Variants in VDAC2 observed in about 807,000 individuals in gnomAD.
VDAC2 encodes the protein voltage dependent anion channel 2.
A neutral mutation model predicts 36.6 loss-of-function variants in VDAC2; 6 were observed. The observed-to-expected ratio is 0.16, with a 90% CI of 0.09 to 0.32. The LOEUF (loss-of-function observed/expected upper bound fraction) is 0.32. Ranked by LOEUF, VDAC2 falls within the 10% of genes least tolerant of loss-of-function variation. VDAC2 has a pLI of 1.00. For synonymous variants in VDAC2, 109 were observed against 123.8 expected, an observed-to-expected ratio of 0.88 and a Z score of 0.79; for missense variants, 247 against 346.0, an observed-to-expected ratio of 0.71 and a Z score of 2.27.
rs202000441 is a variant in VDAC2, at chr10:75,222,413, T to C, written c.735+11T>C. The stretch of plus-strand genomic sequence containing the variant: ...ACTGCTTCCATTTCTGTGAGTACTT[T>C]TGTGGACTTAGAATGGGGGTTTTGG... On this transcript the variant is annotated intron_variant, in intron 8 of 9. Coordinates refer to ENST00000332211, the MANE Select transcript of VDAC2 (RefSeq NM_001391963.1). The C allele has an allele frequency of 1.6e-4, 261 of 1,613,798 alleles. 4 individuals carry two copies. In the Middle Eastern group the frequency reaches 1.7e-3, roughly 10 times the overall value.
chr10:75,210,466 C>T (rs192850504), upstream of VDAC2, among the ~76,000 whole-genome samples: 5 of 152,320 alleles, frequency 3.3e-5, no homozygotes, highest in East Asian at 9.7e-4. Flanking sequence ...CGCGCCCTAT[C>T]GCCCCGGCCA....
chr10:75,214,517 A>T (rs1291556952), intron 4 of VDAC2, among the ~76,000 whole-genome samples: 3 of 151,884 alleles, frequency 2.0e-5, no homozygotes, highest in Non-Finnish European at 4.4e-5. Flanking sequence ...GAGTTTAGGG[A>T]GTCCTGATCT....
At chr10:75,222,224 A>G in intron 7 of VDAC2, 28 bp from the exon 8 acceptor site, 1 of 1,600,960 alleles carries the variant, frequency 6.2e-7, no homozygotes, top group Non-Finnish European at 8.5e-7. Context: ...TGTCTATTCT[A>G]GATCTACTAA....
chr10:75,221,872 AAAG>A (rs1841823070), intron 7 of VDAC2, among the ~76,000 whole-genome samples: 1 of 152,254 alleles, frequency 6.6e-6, no homozygotes, highest in South Asian at 2.1e-4. Context: ...ACAGAAGCAC[AAAG>A]AAGAAAACCT....
rs185399975 is a variant in VDAC2, at chr10:75,222,459, G to A, written c.735+57G>A. On this transcript the variant is annotated intron_variant, in intron 8 of 9. Transcript: ENST00000332211. ...TTTGGTTGTGGGAATGAGTCTTTGG[G>A]TATACTGAATTATGTTGAAAATTTG... 2.5e-3 allele frequency: 4,006 copies of A among 1,594,054 alleles called. 92 individuals carry two copies. Among genetic ancestry groups the A allele is most frequent in the Non-Finnish European group, 3.6e-4 (426 of 1,167,636 alleles).
At chr10:75,214,430 T>C (rs1469158728) in intron 4 of VDAC2, among the ~76,000 whole-genome samples, 1 of 152,240 alleles carries the variant, frequency 6.6e-6, no homozygotes, top group African/African-American at 2.4e-5. Context: ...AACTCATTAA[T>C]TTGAGTGTAC....
chr10:75,224,618 GAAAC>G (rs759488524), intron 8 of VDAC2, among the ~76,000 whole-genome samples: 7 of 152,044 alleles, frequency 4.6e-5, no homozygotes, highest in Non-Finnish European at 1.0e-4. Context: ...CAAACAATAA[GAAAC>G]AAACAAAATA....
intron 4 of VDAC2, 103 bp from the exon 5 acceptor site, chr10:75,218,960 T>G: frequency 1.6e-6 from 2 of 1,250,258 alleles, no homozygotes; most frequent in Non-Finnish European, 2.2e-6. Context: ...GATTCATGAA[T>G]TTACCAAATG....
Position 75,219,063 on chromosome 10 carries a change from G to A in VDAC2, c.151G>A (p.Glu51Lys). The A allele has an allele frequency of 6.2e-7, 1 of 1,603,184 alleles. No individual in the cohort carries two copies. Among genetic ancestry groups the A allele is most frequent in the Non-Finnish European group, 8.5e-7 (1 of 1,176,928 alleles). The change falls in exon 5 of 10, where the codon GAA becomes AAA. Residue 51 changes from glutamate (E) to lysine (K), a missense_variant and splice_region_variant. Physicochemically the swap from Glu to Lys is moderately conservative, Grantham distance 56. Transcript: ENST00000332211. ...DVKTKSCSGV[E>K]FSTSGSSNTD... ...ATGAAGTTATTGATTGTCTTGTTAG[G>A]AATTTTCAACGTCCGGTTCATCTAA... is the stretch of plus-strand genomic sequence containing the variant.
rs568524603 is a variant in VDAC2, at chr10:75,219,276, AAAAC to A, written c.304-24_304-21del. The stretch of plus-strand genomic sequence containing the variant: ...ATTTATTTTTGTATTTCAAAAAAAG[AAAAC>A]AAATTACTTTTCTTTCAAAATAGAT... On this transcript the variant is annotated intron_variant, in intron 5 of 9. Transcript: ENST00000332211. The A allele has an allele frequency of 1.2e-4, 184 of 1,571,796 alleles. No homozygotes were observed. The African/African-American group carries it at 2.0e-3, about 17-fold the overall frequency.
chr10:75,211,073 G>A, intron 1 of VDAC2, 61 bp from the exon 2 acceptor site: 1 of 1,479,430 alleles, frequency 6.8e-7, no homozygotes, highest in Non-Finnish European at 9.1e-7. Context: ...GCCCCTCTCT[G>A]CCCGGGATCT....
Position 75,231,081 on chromosome 10 carries a change from G to A in VDAC2, c.*92G>A. 1.1e-6 allele frequency: 1 copy of A among 885,770 alleles called. No individual in the cohort carries two copies. Among genetic ancestry groups the A allele is most frequent in the Admixed American group, 2.6e-5 (1 of 38,150 alleles). The allele number at this position is 885,770 out of a possible 1,614,324, so 54.9% of individuals were successfully genotyped here. A position where few individuals can be genotyped will look rare whatever the true frequency, so the allele number is the denominator to read the frequency against. On this transcript the variant is annotated 3_prime_UTR_variant, in exon 10 of 10. Coordinates refer to ENST00000332211, the MANE Select transcript of VDAC2 (RefSeq NM_001391963.1). The stretch of plus-strand genomic sequence containing the variant: ...CCAGCAGCAGGCTTTTTTCCCCCAA[G>A]AAGATGATCAAAACAAAGGATGATC...
chr10:75,211,296 G>T (rs1029260851), intron 2 of VDAC2, 107 bp downstream of exon 2: 61 of 1,503,370 alleles, frequency 4.1e-5, no homozygotes, highest in Non-Finnish European at 5.2e-5. Context: ...TGGAAATTCG[G>T]CTGCTTTTGG....
At chr10:75,213,884 A>G (rs1455368825) in intron 3 of VDAC2, 137 bp from the exon 4 acceptor site, 12 of 772,140 alleles carry the variant, frequency 1.6e-5, no homozygotes, top group Non-Finnish European at 2.1e-5. Context: ...AATTTCATTT[A>G]AATATTGTAT....
chr10:75,226,764 A>G (rs1218517325), intron 8 of VDAC2, among the ~76,000 whole-genome samples: 1 of 152,096 alleles, frequency 6.6e-6, no homozygotes, highest in African/African-American at 2.4e-5. Flanking sequence ...GCCCTGGGCT[A>G]TGTTGTTATT....
At chr10:75,221,671 G>C (rs1841818097) in intron 7 of VDAC2, among the ~76,000 whole-genome samples, 1 of 152,042 alleles carries the variant, frequency 6.6e-6, no homozygotes, top group Non-Finnish European at 1.5e-5. Flanking sequence ...ATGGGGTCTT[G>C]CTATGTTGCC....
intron 3 of VDAC2, 46 bp from the exon 4 acceptor site, chr10:75,213,975 C>T (rs756009392): frequency 1.3e-6 from 2 of 1,596,734 alleles, no homozygotes; most frequent in Non-Finnish European, 1.7e-6. Context: ...ATGCATCTTT[C>T]ATACAAAGGA....
At chr10:75,213,323 G>C (rs1841490198) in intron 3 of VDAC2, among the ~76,000 whole-genome samples, 1 of 152,046 alleles carries the variant, frequency 6.6e-6, no homozygotes, top group Non-Finnish European at 1.5e-5. Flanking sequence ...CAAGTGGTCT[G>C]CCTGCCTCGA....
At chr10:75,225,173 A>G (rs1473741424) in intron 8 of VDAC2, among the ~76,000 whole-genome samples, 1 of 152,220 alleles carries the variant, frequency 6.6e-6, no homozygotes, top group African/African-American at 2.4e-5. Context: ...ACTGGATCTC[A>G]CTATCAGCTG....
Sources: allele counts gnomAD v4.1 joint callset (sites outside exome capture counted in the v4.1 genomes callset), GRCh38; gene constraint gnomAD v4.1.1; transcripts MANE v1.5; gene names NCBI Gene and HGNC (gene_info 2026-07-23, HGNC 2026-07-21).